Variants in TTN observed in about 807,000 individuals in gnomAD.
TTN encodes titin, also known as connectin.
In TTN, 1,525 loss-of-function variants were observed where a neutral mutation model predicts 3,223.0. That is an observed-to-expected ratio of 0.47 (90% CI 0.45 to 0.49). TTN has a LOEUF of 0.49. Ranked by LOEUF, TTN falls within the 20% of genes least tolerant of loss-of-function variation. The pLI is 0.00. For missense variants in TTN, 40,786 were observed against 43,424.0 expected, an observed-to-expected ratio of 0.94 and a Z score of 5.40; for synonymous variants, 14,094 against 15,161.0, an observed-to-expected ratio of 0.93 and a Z score of 5.17.
At chr2:178,603,242 A>G (rs2053919084) in intron 282 of TTN, among the ~76,000 whole-genome samples, 1 of 152,034 alleles carries the variant, frequency 6.6e-6, no homozygotes, top group Non-Finnish European at 1.5e-5. Context: ...TATGCTCCAC[A>G]TAGCACTTGA....
Position 178,539,285 on chromosome 2 carries a change from G to T in TTN, c.98684-34C>A, listed in dbSNP as rs370646917. On this transcript the variant is annotated intron_variant, in intron 352 of 362. Transcript: ENST00000589042. ...ATAAGTGGAAAGCACACATGTATTAGAATACAGTCCCAAGTATTATAAGCC... is the reference window on the plus strand; with the variant it reads ...ATAAGTGGAAAGCACACATGTATTATAATACAGTCCCAAGTATTATAAGCC... The T allele has an allele frequency of 4.7e-5, 76 of 1,604,126 alleles. No homozygotes were observed. The African/African-American group carries it at 9.6e-4, about 20-fold the overall frequency.
rs751225383 is a variant in TTN, at chr2:178,608,787, C to A, written c.52224G>T (p.Lys17408Asn). 1.9e-6 allele frequency: 3 copies of A among 1,612,534 alleles called. No homozygotes were observed. The highest frequency in any genetic ancestry group is 3.3e-5 in the Admixed American group (2 of 59,926). ...GSEIINYTLE[K>N]KDKTKPDSEW... is the part of the protein sequence containing the mutation. Reference sequence around the variant, plus strand: ...CTGAGTCGGGTTTTGTCTTGTCTTTCTTTTCCAAAGTGTAGTTTATGATTT... The same window carrying A: ...CTGAGTCGGGTTTTGTCTTGTCTTTATTTTCCAAAGTGTAGTTTATGATTT... Residue 17408 changes from lysine (K) to asparagine (N), a missense_variant, in exon 274 of 363, where the codon AAG becomes AAT. Lys to Asn is a moderately conservative substitution (Grantham distance 94). Coordinates refer to ENST00000589042, the MANE Select transcript of TTN (RefSeq NM_001267550.2).
rs755252821 is a variant in TTN at position 178,605,587 on chromosome 2, C to T, written c.53708G>A (p.Arg17903His). Residue 17903 changes from arginine (R) to histidine (H), a missense_variant, in exon 279 of 363, where the codon CGT becomes CAT. By Grantham distance (29) the Arg-to-His change is conservative (BLOSUM62 0). Transcript: ENST00000589042. ...PIQGYIIEKR[R>H]HDKPDFERVN... ...TCTTTCAAAGTCAGGTTTGTCATGACGCCGTTTTTCAATGATATATCCTTG... is the reference window on the plus strand; with the variant it reads ...TCTTTCAAAGTCAGGTTTGTCATGATGCCGTTTTTCAATGATATATCCTTG... 1.7e-5 allele frequency: 27 copies of T among 1,610,840 alleles called. No homozygotes were observed. The highest frequency in any genetic ancestry group is 2.2e-5 in the South Asian group (2 of 90,858).
In TTN at chr2:178,595,764, G is replaced by A; in HGVS notation, c.57590C>T (p.Thr19197Ile). The A allele has an allele frequency of 6.2e-7, 1 of 1,608,622 alleles. No individual in the cohort carries two copies. Among genetic ancestry groups the A allele is most frequent in the Non-Finnish European group, 8.5e-7 (1 of 1,177,602 alleles). ...VGTPFLAHNL[T>I]NESCKLTWFS... ...CCATGTCAGTTTGCAGGACTCATTG[G>A]TTAGGTTGTGAGCTAGGAATGGTGT... is the stretch of plus-strand genomic sequence containing the variant. Residue 19197 changes from threonine (T) to isoleucine (I), a missense_variant, in exon 295 of 363, where the codon ACC (threonine) becomes ATC (isoleucine). Transcript: ENST00000589042.
Position 178,731,376 on chromosome 2 carries a change from TC to T in TTN, c.17389del (p.Asp5797MetfsTer23). 6.2e-7 allele frequency: 1 copy of T among 1,613,836 alleles called. No individual in the cohort carries two copies. Among genetic ancestry groups the T allele is most frequent in the Non-Finnish European group, 8.5e-7 (1 of 1,179,774 alleles). On this transcript the variant is annotated frameshift_variant, in exon 59 of 363. Transcript: ENST00000589042. LOFTEE classifies it high-confidence loss of function. ...LYLSGIEVKH[D>X]GKYVCQAKND... The stretch of plus-strand genomic sequence containing the variant: ...TTTGGCCTGACAGACATATTTCCCA[TC>T]ATGCTTGACTTCAATGCCACTGAGG...
Position 178,775,125 on chromosome 2 carries a change from A to T in TTN, c.6586T>A (p.Cys2196Ser). The T allele has an allele frequency of 6.2e-7, 1 of 1,614,048 alleles. No homozygotes were observed. Among genetic ancestry groups the T allele is most frequent in the Non-Finnish European group, 8.5e-7 (1 of 1,179,982 alleles). The stretch of plus-strand genomic sequence containing the variant: ...TTGACAAATGGTTCTGAAGTTTCAC[A>T]TTCAAAGGTTGCCATAGTGTCTTTT... ...KEKDTMATFECETSEPFVKVK... is the reference protein window; with the variant it reads ...KEKDTMATFESETSEPFVKVK... Residue 2196 changes from cysteine (C) to serine (S), a missense_variant, in exon 29 of 363, where the codon TGT (cysteine) becomes AGT (serine). Cys to Ser is a moderately radical substitution (Grantham distance 112, BLOSUM62 -1). Coordinates refer to ENST00000589042, the MANE Select transcript of TTN (RefSeq NM_001267550.2).
chr2:178,543,945 A>G lies in TTN; in HGVS notation c.96199T>C (p.Tyr32067His). The change falls in exon 346 of 363, where the codon TAC (tyrosine) becomes CAC (histidine). Residue 32067 changes from tyrosine (Y) to histidine (H), a missense_variant. Coordinates refer to ENST00000589042, the MANE Select transcript of TTN (RefSeq NM_001267550.2). ...SRAIIDTTES[Y>H]SLLIVDKVNR... ...ACTTTGTCCACTATTAGCAATGAGT[A>G]GCTCTCAGTGGTGTCAATAATTGCC... The G allele has an allele frequency of 6.2e-7, 1 of 1,613,728 alleles. No homozygotes were observed. The highest frequency in any genetic ancestry group is 8.5e-7 in the Non-Finnish European group (1 of 1,179,718).
In TTN at chr2:178,608,353, T is replaced by G; in HGVS notation, c.52530A>C (p.Glu17510Asp). Residue 17510 changes from glutamate (E) to aspartate (D), a missense_variant, in exon 275 of 363, where the codon GAA becomes GAC. Physicochemically the swap from Glu to Asp is conservative, Grantham distance 45. Coordinates refer to ENST00000589042, the MANE Select transcript of TTN (RefSeq NM_001267550.2). ...CACGAGACCAATGTGTACTGTTAAC[T>G]TCACGTTTTTCAAGCCAGTAACCCA... ...PILGYWLEKR[E>D]VNSTHWSRVN... is the part of the protein sequence containing the mutation. 1 of 1,612,188 alleles carries G rather than the reference T, an allele frequency of 6.2e-7. No homozygotes were observed. The highest frequency in any genetic ancestry group is 1.1e-5 in the South Asian group (1 of 90,952).
intron 40 of TTN, 97 bp downstream of exon 40, chr2:178,767,662 T>TGG: frequency 6.6e-7 from 1 of 1,522,742 alleles, no homozygotes; most frequent in South Asian, 1.1e-5. Flanking sequence ...CTTTAAAGGA[T>TGG]GGTGGTTAGA....
At position 178,591,828 on chromosome 2, in the gene TTN, G is replaced by A; in HGVS notation, c.59991C>T (p.Val19997=). Reference sequence around the variant, plus strand: ...CACCATCACGATCCGGCTTATTCCAGACTAGGGAGACTTCAGTCTTGTCAA... The same window carrying A: ...CACCATCACGATCCGGCTTATTCCAAACTAGGGAGACTTCAGTCTTGTCAA... ...VDVDKTEVSL[V]WNKPDRDGGS... The change falls in exon 303 of 363, where the codon GTC becomes GTT. Residue 19997 remains valine (V), a synonymous_variant. Transcript: ENST00000589042. 6.2e-7 allele frequency: 1 copy of A among 1,613,276 alleles called. No individual in the cohort carries two copies. The highest frequency in any genetic ancestry group is 8.5e-7 in the Non-Finnish European group (1 of 1,179,570).
rs116053231 is a variant in TTN, at chr2:178,698,975, C to T, written c.30683-61G>A. On this transcript the variant is annotated intron_variant, in intron 111 of 362. Transcript: ENST00000589042. ...ATTTCTGGTGTAAGTAACTAAAATGCTTTCAGGAAACTAGGAATTTTATTG... is the reference window on the plus strand; with the variant it reads ...ATTTCTGGTGTAAGTAACTAAAATGTTTTCAGGAAACTAGGAATTTTATTG... 26,550 of 1,411,232 alleles carry T rather than the reference C, an allele frequency of 0.019. 298 individuals carry two copies. The highest frequency in any genetic ancestry group is 0.021 in the Non-Finnish European group (22,349 of 1,065,802). 87.4% of individuals were successfully genotyped at this position (1,411,232 alleles called of 1,614,324 possible).
At position 178,667,622 on chromosome 2, in the gene TTN, C is replaced by T. The variant is rs766871721; in HGVS notation, c.35629+16G>A. On this transcript the variant is annotated intron_variant, in intron 160 of 362. Coordinates refer to ENST00000589042, the MANE Select transcript of TTN (RefSeq NM_001267550.2). Reference sequence around the variant, plus strand: ...AAAATAATTTTTCTTCAGAGTGGATCATTGGTGTTATATACCTTTTGCTAG... The same window carrying T: ...AAAATAATTTTTCTTCAGAGTGGATTATTGGTGTTATATACCTTTTGCTAG... The T allele has an allele frequency of 1.3e-6, 2 of 1,587,766 alleles. No homozygotes were observed. The highest frequency in any genetic ancestry group is 1.7e-6 in the Non-Finnish European group (2 of 1,174,460).
chr2:178,665,328 G>A, intron 165 of TTN, 49 bp downstream of exon 165: 1 of 1,499,448 alleles, frequency 6.7e-7, no homozygotes, highest in Non-Finnish European at 9.3e-7. Flanking sequence ...AGTTTTAAGA[G>A]CAGAGGACAG....
chr2:178,715,486 C>A lies in TTN; in HGVS notation c.25921+7G>T, dbSNP rs780204398. 3 of 1,606,722 alleles carry A rather than the reference C, an allele frequency of 1.9e-6. No individual in the cohort carries two copies. Among genetic ancestry groups the A allele is most frequent in the Admixed American group, 1.7e-5 (1 of 59,750 alleles). ...GTGAAAAACACACAGGTGGGGAGAG[C>A]GCTGACCTTTAACTTTTAAGGATGT... On this transcript the variant is annotated splice_region_variant and intron_variant, in intron 89 of 362. Coordinates refer to ENST00000589042, the MANE Select transcript of TTN (RefSeq NM_001267550.2).
rs1219503783 is a variant in TTN, at chr2:178,607,885, G to C, written c.52902C>G (p.Ile17634Met). ...IKVRQYTVKE[I>M]REGADYKLRV... Reference sequence around the variant, plus strand: ...GAAGTTTGTAATCAGCACCCTCTCGGATTTCTTTGACGGTGTACTGACGGA... The same window carrying C: ...GAAGTTTGTAATCAGCACCCTCTCGCATTTCTTTGACGGTGTACTGACGGA... Residue 17634 changes from isoleucine (I) to methionine (M), a missense_variant, in exon 276 of 363, where the codon ATC becomes ATG. Coordinates refer to ENST00000589042, the MANE Select transcript of TTN (RefSeq NM_001267550.2). 6.2e-7 allele frequency: 1 copy of C among 1,612,868 alleles called. No individual in the cohort carries two copies. The highest frequency in any genetic ancestry group is 8.5e-7 in the Non-Finnish European group (1 of 1,179,318).
intron 168 of TTN, 93 bp downstream of exon 168, chr2:178,664,367 T>G: frequency 4.0e-6 from 4 of 992,556 alleles, no homozygotes; most frequent in Non-Finnish European, 6.2e-6. Flanking sequence ...ATGATTCACA[T>G]GTACACATCA....
In TTN at chr2:178,600,996, C is replaced by T; in HGVS notation, c.55908G>A (p.Lys18636=). Residue 18636 remains lysine, a synonymous_variant, in exon 288 of 363, where the codon AAG becomes AAA. Coordinates refer to ENST00000589042, the MANE Select transcript of TTN (RefSeq NM_001267550.2). The part of the protein sequence containing the change: ...TKKEAWRQCN[K]RDVEELQFTV... Reference sequence around the variant, plus strand: ...TAAATTGCAGTTCTTCCACATCACGCTTATTGCACTGCCTCCAGGCTTCTT... The same window carrying T: ...TAAATTGCAGTTCTTCCACATCACGTTTATTGCACTGCCTCCAGGCTTCTT... 6.2e-7 allele frequency: 1 copy of T among 1,613,108 alleles called. No individual in the cohort carries two copies.
chr2:178,549,934 T>C, intron 337 of TTN, 52 bp downstream of exon 337: 1 of 1,553,290 alleles, frequency 6.4e-7, no homozygotes. Context: ...ACTAGGCATG[T>C]CTCTAATCCA....
intron 240 of TTN, 97 bp from the exon 241 acceptor site, chr2:178,625,493 A>AAG: frequency 7.4e-7 from 1 of 1,360,366 alleles, no homozygotes; most frequent in Non-Finnish European, 9.6e-7. Flanking sequence ...AGAGCTTTCC[A>AAG]AGTTGTTTTA....
Sources: gnomAD v4.1 joint callset for allele counts (sites outside exome capture counted in the v4.1 genomes callset) on GRCh38, gnomAD v4.1.1 for gene constraint, MANE v1.5 for transcripts, NCBI Gene and HGNC (gene_info 2026-07-23, HGNC 2026-07-21) for gene names.